Variants in PLCB4 observed in about 807,000 individuals in gnomAD.
PLCB4 encodes 1-phosphatidylinositol 4,5-bisphosphate phosphodiesterase beta-4.
Under a neutral mutation model 178.8 loss-of-function variants are expected in PLCB4, and 77 were observed. The ratio of observed to expected loss-of-function variants is 0.43; its 90% CI spans 0.36 to 0.52. The LOEUF is 0.52. Among genes scored for constraint, PLCB4 ranks in the 20% least tolerant of loss-of-function variants. The pLI is 0.00. For synonymous variants in PLCB4, 496 were observed against 490.8 expected (o/e 1.01, Z -0.14); for missense variants, 1,024 against 1,453.4 (o/e 0.70, Z 4.80).
At chr20:9,101,435 T>G (rs1346343938) in intron 2 of PLCB4, among the ~76,000 whole-genome samples, 1 of 152,152 alleles carries the variant, frequency 6.6e-6, no homozygotes. Flanking sequence ...CAGAAAATCT[T>G]TAATAGTCAT....
intron 7 of PLCB4, among the ~76,000 whole-genome samples, chr20:9,344,175 C>T (rs147423301): frequency 1.1e-3 from 165 of 152,288 alleles, no homozygotes; most frequent in African/African-American, 3.7e-3. Context: ...TTTCCTCCTA[C>T]GCATTTTCTT....
At chr20:9,277,103 G>A (rs528133369) in intron 3 of PLCB4, among the ~76,000 whole-genome samples, 37 of 152,142 alleles carry the variant, frequency 2.4e-4, no homozygotes, top group African/African-American at 8.4e-4. Context: ...ACCTACTGCC[G>A]CTATGTGACT....
chr20:9,338,450 G>T, intron 6 of PLCB4, among the ~76,000 whole-genome samples: 1 of 152,044 alleles, frequency 6.6e-6, no homozygotes, highest in East Asian at 1.9e-4. Context: ...GAGGCAGAGG[G>T]AGGCAGATCC....
chr20:9,401,592 T>TTG lies in PLCB4; in HGVS notation c.1611+2_1611+3insTG, dbSNP rs761485721. ...GCTGTTGCAAATAGCGTCAAGAAGG[T>TTG]CAGAGTCCCCTTTCTTTCATCACTC... is the stretch of plus-strand genomic sequence containing the variant. On this transcript the variant is annotated splice_region_variant and intron_variant, in intron 20 of 39. Coordinates refer to ENST00000378473, the MANE Select transcript of PLCB4 (RefSeq NM_001377142.1). 1 of 1,593,762 alleles carries TTG rather than the reference T, an allele frequency of 6.3e-7. No individual in the cohort carries two copies. Among genetic ancestry groups the TTG allele is most frequent in the East Asian group, 2.2e-5 (1 of 44,772 alleles).
At chr20:9,103,148 C>A (rs1319207864) in intron 2 of PLCB4, among the ~76,000 whole-genome samples, 1 of 151,482 alleles carries the variant, frequency 6.6e-6, no homozygotes, top group African/African-American at 2.4e-5. Context: ...TACTTTTTAA[C>A]ACATTGGCAT....
chr20:9,336,318 G>T (rs1220254561), intron 4 of PLCB4, among the ~76,000 whole-genome samples: 1 of 152,118 alleles, frequency 6.6e-6, no homozygotes, highest in Non-Finnish European at 1.5e-5. Context: ...AAGCACAGTG[G>T]TGCTCTAATA....
intron 1 of PLCB4, among the ~76,000 whole-genome samples, chr20:9,072,075 A>G (rs368554431): frequency 1.2e-4 from 19 of 152,324 alleles, no homozygotes; most frequent in African/African-American, 4.6e-4. Flanking sequence ...CTCATAATAT[A>G]TGAATGTGTA....
At chr20:9,325,463 A>G (rs889855125) in intron 4 of PLCB4, among the ~76,000 whole-genome samples, 1 of 152,164 alleles carries the variant, frequency 6.6e-6, no homozygotes, top group Non-Finnish European at 1.5e-5. Context: ...TGAATATTTT[A>G]GGAATAATTT....
chr20:9,476,647 C>A, intron 38 of PLCB4, 70 bp from the exon 39 acceptor site: 1 of 1,074,534 alleles, frequency 9.3e-7, no homozygotes, highest in Non-Finnish European at 1.4e-6. Context: ...AAATTCACTT[C>A]AATATTCATT....
intron 25 of PLCB4, among the ~76,000 whole-genome samples, chr20:9,417,411 T>A (rs1357116775): frequency 2.6e-5 from 4 of 152,176 alleles, no homozygotes; most frequent in Admixed American, 2.6e-4. Flanking sequence ...GTCTCTATAT[T>A]TGCCTATTCT....
chr20:9,476,669 T>C, intron 38 of PLCB4, 48 bp from the exon 39 acceptor site: 1 of 1,322,060 alleles, frequency 7.6e-7, no homozygotes. Context: ...ATTTTCTTCG[T>C]TTTGTATGTA....
At chr20:9,146,180 T>C (rs995391136) in intron 2 of PLCB4, among the ~76,000 whole-genome samples, 22 of 152,130 alleles carry the variant, frequency 1.4e-4, no homozygotes, top group African/African-American at 5.1e-4. Flanking sequence ...GCATCAAAAC[T>C]ACAATTCTTG....
At chr20:9,454,881 G>A (rs1820120268) in intron 33 of PLCB4, among the ~76,000 whole-genome samples, 1 of 152,122 alleles carries the variant, frequency 6.6e-6, no homozygotes, top group Admixed American at 6.5e-5. Context: ...CTGTTATTAT[G>A]CATCATCTGC....
chr20:9,335,119 A>G (rs958156650), intron 4 of PLCB4, among the ~76,000 whole-genome samples: 1 of 152,148 alleles, frequency 6.6e-6, no homozygotes, highest in Admixed American at 6.6e-5. Context: ...ACTTTTGTAC[A>G]CTGTGTACCA....
intron 20 of PLCB4, among the ~76,000 whole-genome samples, chr20:9,403,280 G>A (rs917876158): frequency 6.6e-6 from 1 of 152,138 alleles, no homozygotes. Flanking sequence ...GAAATACTGA[G>A]ATGATTCACA....
At chr20:9,311,673 AGCTGTTTG>A (rs1398903032) in intron 4 of PLCB4, among the ~76,000 whole-genome samples, 3 of 152,160 alleles carry the variant, frequency 2.0e-5, no homozygotes, top group Admixed American at 6.6e-5. Context: ...CTCATCCTGG[AGCTGTTTG>A]GCTCCCCTTT....
At chr20:9,209,320 C>T (rs1175604319) in intron 2 of PLCB4, among the ~76,000 whole-genome samples, 2 of 152,098 alleles carry the variant, frequency 1.3e-5, no homozygotes, top group African/African-American at 2.4e-5. Flanking sequence ...GCCTGAGTTA[C>T]ATAGATGACA....
intron 4 of PLCB4, among the ~76,000 whole-genome samples, chr20:9,317,378 T>A (rs562316567): frequency 2.0e-5 from 3 of 152,316 alleles, no homozygotes; most frequent in Admixed American, 6.5e-5. Flanking sequence ...TAAGATGCTC[T>A]CATTTTTGTG....
chr20:9,427,176 G>A (rs998187427), intron 28 of PLCB4, among the ~76,000 whole-genome samples: 1 of 152,164 alleles, frequency 6.6e-6, no homozygotes, highest in Admixed American at 6.6e-5. Flanking sequence ...AGTGAGCCGA[G>A]TTCATGCCAC....
Sources: allele counts gnomAD v4.1 joint callset (sites outside exome capture counted in the v4.1 genomes callset), GRCh38; gene constraint gnomAD v4.1.1; transcripts MANE v1.5; gene names NCBI Gene and HGNC (gene_info 2026-07-23, HGNC 2026-07-21).